The following CNTN4 variants were observed in gnomAD, a reference collection of about 807,000 sequenced individuals.
The protein encoded by CNTN4 is contactin 4.
In CNTN4, 77 loss-of-function variants were observed where a neutral mutation model predicts 122.5. The observed-to-expected ratio is 0.63, with a 90% CI of 0.52 to 0.76. CNTN4 has a LOEUF of 0.76. Ranked by LOEUF, CNTN4 falls within the 30% of genes least tolerant of loss-of-function variation. The probability of loss-of-function intolerance (pLI) is 0.00; values close to 1 mark genes in which losing one functional copy is unlikely to be tolerated. For synonymous variants in CNTN4, 512 were observed against 447.0 expected (o/e 1.15, Z -1.83); for missense variants, 1,256 against 1,259.1 (o/e 1.00, Z 0.04).
chr3:2,962,726 G>C (rs2094874561), intron 13 of CNTN4, among the ~76,000 whole-genome samples: 1 of 152,340 alleles, frequency 6.6e-6, no homozygotes, highest in East Asian at 1.9e-4. Context: ...AGCCTTACCA[G>C]ATTGAATCCA....
intron 7 of CNTN4, among the ~76,000 whole-genome samples, chr3:2,838,872 C>T (rs534037760): frequency 3.3e-5 from 5 of 152,302 alleles, no homozygotes; most frequent in South Asian, 2.1e-4. Flanking sequence ...CAACACCGAC[C>T]GCTTTTGCTT....
At chr3:2,870,998 C>T (rs2093777987) in intron 8 of CNTN4, among the ~76,000 whole-genome samples, 1 of 152,128 alleles carries the variant, frequency 6.6e-6, no homozygotes, top group Non-Finnish European at 1.5e-5. Flanking sequence ...CCCTGGGGCT[C>T]CCTGTTCCCT....
intron 3 of CNTN4, among the ~76,000 whole-genome samples, chr3:2,454,906 G>T (rs763687885): frequency 6.6e-6 from 1 of 152,162 alleles, no homozygotes; most frequent in African/African-American, 2.4e-5. Flanking sequence ...TAAGTAGTGG[G>T]TGAGTAATTT....
At chr3:2,930,386 A>G (rs1384389174) in intron 13 of CNTN4, among the ~76,000 whole-genome samples, 4 of 152,322 alleles carry the variant, frequency 2.6e-5, no homozygotes, top group African/African-American at 9.6e-5. Flanking sequence ...ACATAGAAAG[A>G]CCACTCCCTG....
At chr3:2,483,047 G>A (rs911063196) in intron 3 of CNTN4, among the ~76,000 whole-genome samples, 1 of 152,118 alleles carries the variant, frequency 6.6e-6, no homozygotes, top group Non-Finnish European at 1.5e-5. Flanking sequence ...TGTGCACCTG[G>A]AAAAGCCACA....
chr3:2,868,071 A>T (rs2093744058), intron 8 of CNTN4, among the ~76,000 whole-genome samples: 1 of 152,186 alleles, frequency 6.6e-6, no homozygotes, highest in South Asian at 2.1e-4. Context: ...TCTAGTACAC[A>T]TTCAGATCTT....
intron 6 of CNTN4, among the ~76,000 whole-genome samples, chr3:2,785,899 C>CCCCT (rs1352777675): frequency 7.9e-6 from 1 of 126,834 alleles, no homozygotes; most frequent in Non-Finnish European, 1.7e-5. Flanking sequence ...CACGCTGCCC[C>CCCCT]CCCCCGCCCC....
chr3:2,409,797 A>G (rs1052196644), intron 3 of CNTN4, among the ~76,000 whole-genome samples: 1 of 152,136 alleles, frequency 6.6e-6, no homozygotes, highest in Non-Finnish European at 1.5e-5. Context: ...TTATCTATGT[A>G]TACACTATTT....
chr3:2,186,627 C>T (rs916787432), intron 2 of CNTN4, among the ~76,000 whole-genome samples: 2 of 152,180 alleles, frequency 1.3e-5, no homozygotes, highest in Non-Finnish European at 2.9e-5. Context: ...GCCATTCTAA[C>T]TGGTGTGAGA....
chr3:2,171,859 G>C (rs1477120605), intron 2 of CNTN4, among the ~76,000 whole-genome samples: 1 of 152,170 alleles, frequency 6.6e-6, no homozygotes, highest in Admixed American at 6.5e-5. Context: ...TTGGGTTCTA[G>C]TCTAGACTCT....
intron 3 of CNTN4, among the ~76,000 whole-genome samples, chr3:2,445,414 G>C (rs1334910125): frequency 6.6e-6 from 1 of 152,164 alleles, no homozygotes; most frequent in African/African-American, 2.4e-5. Context: ...AAATCTCGAA[G>C]ATAGAGGTGG....
chr3:2,434,197 G>T (rs1206267964), intron 3 of CNTN4, among the ~76,000 whole-genome samples: 1 of 152,116 alleles, frequency 6.6e-6, no homozygotes, highest in East Asian at 1.9e-4. Context: ...TGATGAATTT[G>T]TTCATTAGCC....
chr3:2,165,519 T>C (rs1405032798), intron 2 of CNTN4, among the ~76,000 whole-genome samples: 3 of 152,208 alleles, frequency 2.0e-5, no homozygotes, highest in Non-Finnish European at 4.4e-5. Flanking sequence ...GTTACCTTTT[T>C]TTGTTGTGGT....
At chr3:2,452,200 C>A (rs971644358) in intron 3 of CNTN4, among the ~76,000 whole-genome samples, 3 of 152,108 alleles carry the variant, frequency 2.0e-5, no homozygotes, top group African/African-American at 7.2e-5. Flanking sequence ...CTATTTGATC[C>A]AGAAAAGTCA....
intron 14 of CNTN4, among the ~76,000 whole-genome samples, chr3:2,997,786 G>A (rs1409944438): frequency 6.6e-6 from 1 of 152,158 alleles, no homozygotes; most frequent in Non-Finnish European, 1.5e-5. Flanking sequence ...TATGGGAGAG[G>A]AAATGTAAGC....
At chr3:2,394,749 G>C (rs908412863) in intron 3 of CNTN4, among the ~76,000 whole-genome samples, 23 of 148,216 alleles carry the variant, frequency 1.6e-4, no homozygotes, top group African/African-American at 5.7e-4. Context: ...TTTTCCAAGA[G>C]AATTGAAAAC....
At chr3:2,946,698 T>C (rs1451157506) in intron 13 of CNTN4, among the ~76,000 whole-genome samples, 1 of 107,950 alleles carries the variant, frequency 9.3e-6, no homozygotes, top group Non-Finnish European at 2.3e-5. Context: ...GCTTGCTTTT[T>C]TTTTTCTTTT....
chr3:2,886,416 A>T (rs919604210), intron 9 of CNTN4, among the ~76,000 whole-genome samples: 9 of 146,082 alleles, frequency 6.2e-5, no homozygotes, highest in Non-Finnish European at 1.1e-4. Flanking sequence ...AAAATATATT[A>T]AAAAAAAAAG....
At chr3:2,618,225 T>G (rs930440525) in intron 4 of CNTN4, among the ~76,000 whole-genome samples, 2 of 143,880 alleles carry the variant, frequency 1.4e-5, no homozygotes, top group African/African-American at 5.2e-5. Context: ...TAGAAAGTGT[T>G]GTAAAAATTA....
Sources: allele counts gnomAD v4.1 joint callset (sites outside exome capture counted in the v4.1 genomes callset), GRCh38; gene constraint gnomAD v4.1.1; transcripts MANE v1.5; gene names NCBI Gene and HGNC (gene_info 2026-07-23, HGNC 2026-07-21).